The following CCDC57 variants were observed in gnomAD, a reference collection of about 807,000 sequenced individuals.
CCDC57 encodes the protein coiled-coil domain containing 57.
Under a neutral mutation model 118.9 loss-of-function variants are expected in CCDC57, and 118 were observed. The ratio of observed to expected loss-of-function variants is 0.99; its 90% CI spans 0.86 to 1.16. CCDC57 has a LOEUF of 1.16. CCDC57 is among the 50% of genes most tolerant of loss of function. CCDC57 has a pLI of 0.00. For missense variants in CCDC57, 1,300 were observed against 1,320.7 expected (o/e 0.98, Z 0.24); for synonymous variants, 527 against 532.9 (o/e 0.99, Z 0.15).
chr17:82,126,492 C>T (rs7406682), intron 19 of CCDC57: 560,873 of 972,496 alleles, frequency 0.58, 163,999 homozygotes, highest in Non-Finnish European at 0.59. Flanking sequence ...CAATCTAATA[C>T]ACAAATGGGC....
At chr17:82,196,042 G>T (rs553637197) in intron 4 of CCDC57, among the ~76,000 whole-genome samples, 30 of 152,342 alleles carry the variant, frequency 2.0e-4, no homozygotes, top group African/African-American at 7.2e-4. Context: ...ATTCGGCGTG[G>T]ACAGCCTGGG....
intron 10 of CCDC57, 24 bp from the exon 10 acceptor site, chr17:82,178,629 T>C: frequency 6.2e-7 from 1 of 1,607,624 alleles, no homozygotes; most frequent in Non-Finnish European, 8.5e-7. Context: ...TGGGACTCAG[T>C]CCCTGTGTGG....
intron 15 of CCDC57, 199 bp from the exon 15 acceptor site, chr17:82,151,972 T>G: frequency 1.7e-6 from 1 of 579,046 alleles, no homozygotes; most frequent in Non-Finnish European, 3.1e-6. Flanking sequence ...CTTCCACAAA[T>G]AGAATAAAGG....
intron 16 of CCDC57, among the ~76,000 whole-genome samples, chr17:82,136,996 G>T (rs11077972): frequency 0.47 from 69,073 of 147,878 alleles, 16,887 homozygotes; most frequent in East Asian, 0.88. Context: ...TGATGGGTTT[G>T]TTTCCTTGGT....
intron 19 of CCDC57, among the ~76,000 whole-genome samples, chr17:82,111,701 G>A (rs1298203330): frequency 6.6e-6 from 1 of 151,818 alleles, no homozygotes; most frequent in Non-Finnish European, 1.5e-5. Flanking sequence ...CTAGCTCCAA[G>A]GTTCAAGTGA....
At chr17:82,112,700 C>T (rs2144939138) in intron 19 of CCDC57, 1 of 152,632 alleles carries the variant, frequency 6.6e-6, no homozygotes, top group South Asian at 2.1e-4. Flanking sequence ...CTGCTTCCCT[C>T]CCTGTGCCGG....
At chr17:82,134,294 C>G (rs1269812685) in intron 16 of CCDC57, 100 bp from the exon 16 acceptor site, 2 of 1,190,730 alleles carry the variant, frequency 1.7e-6, no homozygotes, top group African/African-American at 3.2e-5. Context: ...TGTTCCTTTT[C>G]AAAACCAAAG....
intron 11 of CCDC57, among the ~76,000 whole-genome samples, chr17:82,176,499 G>C (rs145560065): frequency 3.0e-4 from 45 of 152,196 alleles, no homozygotes; most frequent in Non-Finnish European, 1.6e-4. Context: ...ACGTCCTCAC[G>C]CCCTCACCTG....
chr17:82,127,915 A>C lies in CCDC57; in HGVS notation c.2683-7T>G, dbSNP rs2037706853. 1 of 1,611,212 alleles carries C rather than the reference A, an allele frequency of 6.2e-7. No homozygotes were observed. Among genetic ancestry groups the C allele is most frequent in the Admixed American group, 1.7e-5 (1 of 59,224 alleles). ...TGTGGATGCTGTGTTGTGTCTAGAAAAGACATCATCGTCTTGAAAGCCACC... is the reference window on the plus strand; with the variant it reads ...TGTGGATGCTGTGTTGTGTCTAGAACAGACATCATCGTCTTGAAAGCCACC... On this transcript the variant is annotated splice_polypyrimidine_tract_variant and splice_region_variant and intron_variant, in intron 18 of 19. Coordinates refer to ENST00000665763, the Ensembl canonical transcript of CCDC57.
At chr17:82,115,791 CCT>C (rs1491473579) in intron 19 of CCDC57, among the ~76,000 whole-genome samples, 8 of 136,166 alleles carry the variant, frequency 5.9e-5, no homozygotes, top group African/African-American at 1.1e-4. Flanking sequence ...ATTTATGCAA[CCT>C]TTTTTTTTTT....
chr17:82,163,119 C>T (rs537610976), intron 14 of CCDC57, 81 bp downstream of exon 13: 23 of 1,542,092 alleles, frequency 1.5e-5, no homozygotes, highest in Admixed American at 5.3e-5. Context: ...GGGGTCGCAC[C>T]GGGCAGCCGC....
Position 82,189,866 on chromosome 17 carries a change from C to T in CCDC57, c.852-1447G>A, listed in dbSNP as rs192678047. ...CTCTACTAAAAATACAAAAATTAGC[C>T]GGGCATGGTGGCATGCGCCTGTAAT... On this transcript the variant is annotated intron_variant, in intron 7 of 19. Transcript: ENST00000665763. 5.8e-4 allele frequency among the ~76,000 whole-genome samples: 89 copies of T among 152,186 alleles called. 1 individual carries two copies. Among genetic ancestry groups the T allele is most frequent in the Non-Finnish European group, 8.8e-5 (6 of 68,006 alleles).
chr17:82,120,572 T>A (rs1295072192), intron 19 of CCDC57, among the ~76,000 whole-genome samples: 1 of 152,204 alleles, frequency 6.6e-6, no homozygotes, highest in Non-Finnish European at 1.5e-5. Flanking sequence ...TATTCTTACA[T>A]GAAGTAAAAA....
rs182448001 is a variant in CCDC57 at position 82,132,799 on chromosome 17, G to A, written c.2577+1274C>T. 7.3e-3 allele frequency among the ~76,000 whole-genome samples: 925 copies of A among 126,582 alleles called. 4 individuals carry two copies. Among genetic ancestry groups the A allele is most frequent in the Non-Finnish European group, 8.5e-3 (546 of 64,224 alleles). The allele number at this position is 126,582 out of a possible 152,430, so 83.0% of individuals were successfully genotyped here. A position where few individuals can be genotyped will look rare whatever the true frequency, so the allele number is the denominator to read the frequency against. On this transcript the variant is annotated intron_variant, in intron 17 of 19. Coordinates refer to ENST00000665763, the Ensembl canonical transcript of CCDC57. ...TTTTGAGACGGAGTCTTGCTCTGTC[G>A]CCCAGGCTGGAGTGTAGTGGTGCCA...
intron 3 of CCDC57, among the ~76,000 whole-genome samples, chr17:82,200,354 T>C (rs970558801): frequency 6.6e-6 from 1 of 152,202 alleles, no homozygotes; most frequent in African/African-American, 2.4e-5. Flanking sequence ...CAGGTGGCTC[T>C]ATATGGGGCC....
chr17:82,196,287 C>T (rs550036352), intron 4 of CCDC57, among the ~76,000 whole-genome samples: 19 of 152,348 alleles, frequency 1.2e-4, no homozygotes, highest in Middle Eastern at 3.4e-3. Flanking sequence ...TTACTGACCA[C>T]GGATTTTAGA....
At chr17:82,102,908 A>C (rs1598596158) in intron 19 of CCDC57, among the ~76,000 whole-genome samples, 2 of 151,112 alleles carry the variant, frequency 1.3e-5, no homozygotes, top group Non-Finnish European at 2.9e-5. Flanking sequence ...AACAAAAAAA[A>C]CCCCACAGTA....
In CCDC57 at chr17:82,128,042, G is replaced by C. The variant is rs2037730643; in HGVS notation, c.2683-134C>G. 4 of 1,298,688 alleles carry C rather than the reference G, an allele frequency of 3.1e-6. 1 individual carries two copies. The highest frequency in any genetic ancestry group is 1.5e-5 in the African/African-American group (1 of 66,290). 80.4% of individuals were successfully genotyped at this position (1,298,688 alleles called of 1,614,324 possible). On this transcript the variant is annotated intron_variant, in intron 18 of 19. Transcript: ENST00000665763. ...TTAAAGGCCCAGGCAGATGCTCCCA[G>C]GATCACCCAGGAGAGGCAGCTGCAG...
chr17:82,169,315 G>A (rs573782078), intron 13 of CCDC57, among the ~76,000 whole-genome samples: 124 of 152,246 alleles, frequency 8.1e-4, no homozygotes, highest in South Asian at 3.7e-3. Flanking sequence ...TTTTAGTAGA[G>A]ACGGGGTTTC....
Sources: allele counts gnomAD v4.1 joint callset (sites outside exome capture counted in the v4.1 genomes callset), GRCh38; gene constraint gnomAD v4.1.1; transcripts MANE v1.5; gene names NCBI Gene and HGNC (gene_info 2026-07-23, HGNC 2026-07-21).